PLCL2: variants seen among roughly 807,000 people sequenced by gnomAD.
The protein encoded by PLCL2 is phospholipase C like 2.
A neutral mutation model predicts 79.6 loss-of-function variants in PLCL2; 4 were observed. That is an observed-to-expected ratio of 0.05 (90% CI 0.02 to 0.11). The LOEUF is 0.11. PLCL2 is among the 10% of genes least tolerant of loss of function. PLCL2 has a pLI of 1.00. For missense variants in PLCL2, 895 were observed against 1,291.0 expected, an observed-to-expected ratio of 0.69 and a Z score of 4.70; for synonymous variants, 484 against 457.7, an observed-to-expected ratio of 1.06 and a Z score of -0.73.
At chr3:17,075,562 A>T (rs2065101510) in intron 5 of PLCL2, among the ~76,000 whole-genome samples, 1 of 151,942 alleles carries the variant, frequency 6.6e-6, no homozygotes, top group Admixed American at 6.6e-5. Context: ...AAAAAAAAAA[A>T]AATGCAGTAT....
chr3:17,041,871 G>T (rs1265891123), intron 3 of PLCL2, among the ~76,000 whole-genome samples: 1 of 152,088 alleles, frequency 6.6e-6, no homozygotes, highest in African/African-American at 2.4e-5. Context: ...TTGTGCCTAG[G>T]AGTTGGAGAG....
At chr3:17,001,434 G>T (rs1032559834) in intron 1 of PLCL2, among the ~76,000 whole-genome samples, 6 of 151,734 alleles carry the variant, frequency 4.0e-5, no homozygotes, top group Admixed American at 1.3e-4. Flanking sequence ...AAAACATCTT[G>T]CCCAGCTGAA....
In PLCL2 at chr3:16,916,970, C is replaced by T. The variant is rs185571616; in HGVS notation, c.327+31604C>T. Among the ~76,000 whole-genome samples the T allele has an allele frequency of 3.8e-3, 582 of 152,216 alleles. 3 individuals are homozygous for T. The highest frequency in any genetic ancestry group is 5.3e-3 in the Non-Finnish European group (360 of 67,988). The stretch of plus-strand genomic sequence containing the variant: ...ACCTCCCCTTGCCTGTGTTCTTTGT[C>T]GTACGAGCCCCTGGGAGACTCATAG... On this transcript the variant is annotated intron_variant, in intron 1 of 5. Coordinates refer to ENST00000615277, the MANE Select transcript of PLCL2 (RefSeq NM_001144382.2).
intron 1 of PLCL2, among the ~76,000 whole-genome samples, chr3:16,908,248 A>G (rs79495495): frequency 0.018 from 2,725 of 152,242 alleles, 87 homozygotes; most frequent in African/African-American, 0.061. Context: ...ATCCTGTGTT[A>G]TTTTAAAGCA....
At chr3:16,986,108 G>A (rs749055261) in intron 1 of PLCL2, among the ~76,000 whole-genome samples, 1 of 152,006 alleles carries the variant, frequency 6.6e-6, no homozygotes, top group African/African-American at 2.4e-5. Context: ...TAGGGGGAAA[G>A]CAGCCAGCCA....
chr3:17,078,342 A>G (rs2065128170), intron 5 of PLCL2, among the ~76,000 whole-genome samples: 1 of 152,142 alleles, frequency 6.6e-6, no homozygotes. Flanking sequence ...TCCATGTGAT[A>G]TTAGCTGGGA....
chr3:17,020,508 G>C (rs1027090223), intron 3 of PLCL2, among the ~76,000 whole-genome samples: 4 of 152,026 alleles, frequency 2.6e-5, no homozygotes, highest in East Asian at 3.9e-4. Context: ...TGTCATTGCA[G>C]TTCCATTCTC....
rs536936999 is a variant in PLCL2 at position 17,056,663 on chromosome 3, ACAC to A, written c.3095-11292_3095-11290del. ...AACATATTAACATATTAAAGAAAAA[ACAC>A]AGTCATGCATTTGTGGAATTTGTTT... On this transcript the variant is annotated intron_variant, in intron 4 of 5. Transcript: ENST00000615277. Among the ~76,000 whole-genome samples the A allele has an allele frequency of 8.8e-4, 134 of 152,306 alleles. 1 individual carries two copies. The South Asian group carries it at 0.027, about 31-fold the overall frequency.
Position 17,011,167 on chromosome 3 carries a change from G to A in PLCL2, c.1821G>A (p.Val607=). 6.2e-7 allele frequency: 1 copy of A among 1,614,160 alleles called. No homozygotes were observed. Among genetic ancestry groups the A allele is most frequent in the Non-Finnish European group, 8.5e-7 (1 of 1,180,024 alleles). ...GKENMEQPNN[V]PVKRFQLCKE... is the part of the protein sequence containing the mutation. Reference sequence around the variant, plus strand: ...AGAACATGGAGCAACCCAATAATGTGCCTGTGAAGCGATTTCAGCTTTGTA... The same window carrying A: ...AGAACATGGAGCAACCCAATAATGTACCTGTGAAGCGATTTCAGCTTTGTA... Residue 607 remains valine (V), a synonymous_variant, in exon 2 of 6, where the codon GTG becomes GTA. Transcript: ENST00000615277. The surrounding 1 kb of genome is among the most constrained non-coding windows in gnomAD (Gnocchi z 7.9).
At chr3:17,036,951 A>T (rs1158834465) in intron 3 of PLCL2, among the ~76,000 whole-genome samples, 1 of 152,172 alleles carries the variant, frequency 6.6e-6, no homozygotes, top group East Asian at 1.9e-4. Context: ...TTGACTAGGA[A>T]GGAGCCATCA....
At chr3:16,944,976 T>G (rs968860762) in intron 1 of PLCL2, among the ~76,000 whole-genome samples, 1 of 152,220 alleles carries the variant, frequency 6.6e-6, no homozygotes, top group Non-Finnish European at 1.5e-5. Context: ...GCCAGGCTGG[T>G]CTCGAACTCC....
At chr3:17,088,234 C>T (rs903868422) in intron 5 of PLCL2, among the ~76,000 whole-genome samples, 1 of 152,098 alleles carries the variant, frequency 6.6e-6, no homozygotes, top group Admixed American at 6.5e-5. Context: ...ATTTGCCAGC[C>T]AAGGTAAGTC....
chr3:17,054,530 A>G (rs999086876), intron 4 of PLCL2, among the ~76,000 whole-genome samples: 1 of 152,100 alleles, frequency 6.6e-6, no homozygotes, highest in Non-Finnish European at 1.5e-5. Flanking sequence ...ACTTACAGTC[A>G]TGGTGGAAGG....
intron 4 of PLCL2, among the ~76,000 whole-genome samples, chr3:17,059,022 A>G (rs956273052): frequency 2.0e-5 from 3 of 152,186 alleles, no homozygotes; most frequent in African/African-American, 7.2e-5. Flanking sequence ...CAGAATTTCA[A>G]ATTCTATATA....
At chr3:16,897,170 G>A (rs576699906) in intron 1 of PLCL2, among the ~76,000 whole-genome samples, 8 of 152,030 alleles carry the variant, frequency 5.3e-5, no homozygotes, top group East Asian at 1.9e-4. Flanking sequence ...CTTTTTTGGA[G>A]GGGATATAAA....
intron 1 of PLCL2, among the ~76,000 whole-genome samples, chr3:16,939,082 A>G (rs1344937432): frequency 2.0e-5 from 3 of 152,182 alleles, no homozygotes; most frequent in Non-Finnish European, 4.4e-5. Context: ...CTGAAAATCA[A>G]CTAAGGCCCA....
chr3:17,028,550 C>T lies in PLCL2; in HGVS notation c.3018+13639C>T, dbSNP rs1233410552. 5.9e-5 allele frequency among the ~76,000 whole-genome samples: 9 copies of T among 151,394 alleles called. 1 individual carries two copies. Among genetic ancestry groups the T allele is most frequent in the Admixed American group, 5.9e-4 (9 of 15,194 alleles). ...GGATTGCAGTGACGAACTGTTGACT[C>T]ACTGCAGCCTCTGCCTCCTGGGCTC... On this transcript the variant is annotated intron_variant, in intron 3 of 5. Coordinates refer to ENST00000615277, the MANE Select transcript of PLCL2 (RefSeq NM_001144382.2).
At chr3:17,008,289 A>C (rs927067556) in intron 1 of PLCL2, among the ~76,000 whole-genome samples, 1 of 150,568 alleles carries the variant, frequency 6.6e-6, no homozygotes, top group African/African-American at 2.5e-5. Flanking sequence ...TTACATGTCT[A>C]TCTGATGTAT....
intron 5 of PLCL2, among the ~76,000 whole-genome samples, chr3:17,071,476 G>T (rs1052874943): frequency 2.0e-5 from 3 of 151,892 alleles, no homozygotes. Context: ...TTCATTTGTT[G>T]TTATAAATCT....
Sources: gnomAD v4.1 joint callset for allele counts (sites outside exome capture counted in the v4.1 genomes callset) on GRCh38, gnomAD v4.1.1 for gene constraint, Gnocchi (gnomAD v3.1) non-coding constraint, MANE v1.5 for transcripts, NCBI Gene and HGNC (gene_info 2026-07-23, HGNC 2026-07-21) for gene names.